Variants in ATXN8OS observed in about 807,000 individuals in gnomAD.
ATXN8OS encodes ATXN8 opposite strand (non-protein coding).
Position 70,152,851 on chromosome 13 carries a change from G to A in ATXN8OS, n.573+5423G>A, listed in dbSNP as rs184027256. Among the ~76,000 whole-genome samples the A allele has an allele frequency of 2.8e-4, 42 of 152,014 alleles. No individual in the cohort carries two copies. In the South Asian group the frequency reaches 7.9e-3, roughly 29 times the overall value. On this transcript the variant is annotated intron_variant and non_coding_transcript_variant, in intron 4 of 4. Transcript: ENST00000678624. ...ATTTTTCCCAGCAGCATAGTAGTCC[G>A]TTTTATATGGAGTCAAAGGCAGAGA...
chr13:70,141,464 A>C (rs2137492631), intron 3 of ATXN8OS, among the ~76,000 whole-genome samples: 1 of 152,274 alleles, frequency 6.6e-6, no homozygotes, highest in South Asian at 2.1e-4. Context: ...ATATTTTTGG[A>C]ACATCATTAT....
At chr13:70,159,354 T>C (rs1251852911) in intron 4 of ATXN8OS, among the ~76,000 whole-genome samples, 1 of 152,130 alleles carries the variant, frequency 6.6e-6, no homozygotes. Flanking sequence ...TATATATTTA[T>C]TTCCAATTCC....
intron 3 of ATXN8OS, among the ~76,000 whole-genome samples, chr13:70,132,026 C>A (rs1184514014): frequency 6.6e-6 from 1 of 151,968 alleles, no homozygotes; most frequent in Non-Finnish European, 1.5e-5. Context: ...TTGATCATTG[C>A]CAGAAGAAAA....
intron 4 of ATXN8OS, among the ~76,000 whole-genome samples, chr13:70,163,148 T>A (rs1889030353): frequency 6.6e-6 from 1 of 152,112 alleles, no homozygotes; most frequent in South Asian, 2.1e-4. Flanking sequence ...TGATAGTAAT[T>A]ACAATGTAAC....
intron 1 of ATXN8OS, among the ~76,000 whole-genome samples, chr13:70,113,833 G>A (rs1888235974): frequency 6.6e-6 from 1 of 151,970 alleles, no homozygotes; most frequent in African/African-American, 2.4e-5. Flanking sequence ...AAAAATCTAG[G>A]ACAAAAATGC....
intron 3 of ATXN8OS, among the ~76,000 whole-genome samples, chr13:70,146,489 C>T (rs1566611396): frequency 6.6e-6 from 1 of 152,064 alleles, no homozygotes; most frequent in African/African-American, 2.4e-5. Flanking sequence ...TCACTATTCA[C>T]AATAGCAAAG....
exon 5 of ATXN8OS, among the ~76,000 whole-genome samples, chr13:70,170,721 A>C (rs1477195081): frequency 6.6e-6 from 1 of 152,174 alleles, no homozygotes; most frequent in African/African-American, 2.4e-5. Context: ...AAATGAATAC[A>C]ATACAGTCAC....
At position 70,121,024 on chromosome 13, in the gene ATXN8OS, A is replaced by G. The variant is rs1274161041; in HGVS notation, n.398+5726A>G. Reference sequence around the variant, plus strand: ...CAACATGGCACATGTATACATATGTAACTAACCTGCACGTTGTGCACATGT... The same window carrying G: ...CAACATGGCACATGTATACATATGTGACTAACCTGCACGTTGTGCACATGT... On this transcript the variant is annotated intron_variant and non_coding_transcript_variant, in intron 2 of 4. Coordinates refer to ENST00000678624, the Ensembl canonical transcript of ATXN8OS. 3.3e-5 allele frequency among the ~76,000 whole-genome samples: 5 copies of G among 152,250 alleles called. No homozygotes were observed. In the East Asian group the frequency reaches 7.7e-4, roughly 24 times the overall value.
chr13:70,149,353 CAT>C (rs1277542256), intron 4 of ATXN8OS, among the ~76,000 whole-genome samples: 1 of 151,946 alleles, frequency 6.6e-6, no homozygotes, highest in African/African-American at 2.4e-5. Flanking sequence ...TATAGGAAAA[CAT>C]AGGATTGTAA....
exon 5 of ATXN8OS, among the ~76,000 whole-genome samples, chr13:70,171,346 C>T (rs978387500): frequency 2.6e-5 from 4 of 152,084 alleles, no homozygotes; most frequent in African/African-American, 4.8e-5. Context: ...AAGGAAGAAA[C>T]TTTAGGCTAA....
chr13:70,140,073 A>T (rs1229317206), intron 3 of ATXN8OS, among the ~76,000 whole-genome samples: 1 of 152,128 alleles, frequency 6.6e-6, no homozygotes, highest in Non-Finnish European at 1.5e-5. Flanking sequence ...AAATTCTCTG[A>T]CTGAATCAAG....
chr13:70,164,097 C>T (rs1297217034), intron 4 of ATXN8OS, among the ~76,000 whole-genome samples: 9 of 143,288 alleles, frequency 6.3e-5, no homozygotes, highest in South Asian at 2.2e-4. Context: ...TATTATTATC[C>T]TGTTTCCAAA....
chr13:70,165,668 G>A (rs1889068620), intron 4 of ATXN8OS, among the ~76,000 whole-genome samples: 1 of 151,888 alleles, frequency 6.6e-6, no homozygotes, highest in Non-Finnish European at 1.5e-5. Context: ...CTAGATTAAG[G>A]TCTATCCATA....
chr13:70,138,189 A>G (rs17086468), intron 3 of ATXN8OS, among the ~76,000 whole-genome samples: 24,783 of 152,076 alleles, frequency 0.16, 2,216 homozygotes, highest in East Asian at 0.25. Flanking sequence ...GTTGTGCTAC[A>G]TTTTGTTTAT....
chr13:70,114,964 T>C (rs1418005350), intron 1 of ATXN8OS, among the ~76,000 whole-genome samples: 3 of 152,088 alleles, frequency 2.0e-5, no homozygotes, highest in Non-Finnish European at 4.4e-5. Context: ...TCCTCAGCTG[T>C]GTGAGCTCTG....
chr13:70,115,885 AC>A (rs1369981175), intron 2 of ATXN8OS, among the ~76,000 whole-genome samples: 3 of 152,122 alleles, frequency 2.0e-5, no homozygotes, highest in Non-Finnish European at 4.4e-5. Context: ...TTTCTAAAGT[AC>A]TATAAAATAC....
At chr13:70,164,645 G>A (rs1316394540) in intron 4 of ATXN8OS, among the ~76,000 whole-genome samples, 1 of 152,002 alleles carries the variant, frequency 6.6e-6, no homozygotes, top group African/African-American at 2.4e-5. Flanking sequence ...GCTTTGGAAT[G>A]TTTTCAGTGT....
intron 2 of ATXN8OS, among the ~76,000 whole-genome samples, chr13:70,116,148 G>A (rs979014196): frequency 9.6e-6 from 1 of 104,054 alleles, no homozygotes. Context: ...GGTGATGGGG[G>A]TGTATCAGTT....
chr13:70,117,877 A>G (rs9564651), intron 2 of ATXN8OS, among the ~76,000 whole-genome samples: 109,553 of 151,888 alleles, frequency 0.72, 39,788 homozygotes, highest in South Asian at 0.85. Context: ...TTAAAAATAA[A>G]GCTTTCAATA....
Sources: allele counts gnomAD v4.1 joint callset (sites outside exome capture counted in the v4.1 genomes callset), GRCh38; gene constraint gnomAD v4.1.1; transcripts MANE v1.5; gene names NCBI Gene and HGNC (gene_info 2026-07-23, HGNC 2026-07-21).